TEX11: variants seen among roughly 807,000 people sequenced by gnomAD.
TEX11 encodes the protein testis-expressed protein 11.
A neutral mutation model predicts 84.4 loss-of-function variants in TEX11; 7 were observed. That is an observed-to-expected ratio of 0.08 (90% CI 0.05 to 0.16). TEX11 has a LOEUF of 0.16. TEX11 is among the 10% of genes least tolerant of loss of function. The pLI, the probability that TEX11 is intolerant of heterozygous loss-of-function variation, is 1.00. For missense variants in TEX11, 551 were observed against 660.5 expected (o/e 0.83, Z 1.82); for synonymous variants, 264 against 222.8 (o/e 1.18, Z -1.64).
chrX:70,663,519 T>A (rs1322576076), intron 16 of TEX11, among the ~76,000 whole-genome samples: 1 of 111,555 alleles, frequency 9.0e-6, no homozygotes, highest in African/African-American at 3.3e-5. Flanking sequence ...TCAAATTAGA[T>A]GATTTTTAGT....
At chrX:70,630,483 A>T (rs2089498916) in intron 17 of TEX11, among the ~76,000 whole-genome samples, 1 of 111,103 alleles carries the variant, frequency 9.0e-6, no homozygotes, top group African/African-American at 3.3e-5. Flanking sequence ...GGAATATGAC[A>T]AGTTAAATAT....
chrX:70,639,569 T>C (rs370656354), intron 17 of TEX11, among the ~76,000 whole-genome samples: 1 of 111,732 alleles, frequency 8.9e-6, no homozygotes, highest in Non-Finnish European at 1.9e-5. Context: ...CAGCTGGAGA[T>C]CTGAGAACGG....
chrX:70,867,360 A>G (rs1054494908), intron 4 of TEX11, among the ~76,000 whole-genome samples: 3 of 111,512 alleles, frequency 2.7e-5, no homozygotes, highest in Admixed American at 9.6e-5. Context: ...ACCACTGCTC[A>G]AGGAAATAAG....
At chrX:70,685,676 C>G (rs890594829) in intron 13 of TEX11, among the ~76,000 whole-genome samples, 1 of 112,040 alleles carries the variant, frequency 8.9e-6, no homozygotes, top group Non-Finnish European at 1.9e-5. Flanking sequence ...AAAAGTCAAA[C>G]TAATTTACAT....
chrX:70,630,040 C>T (rs985584209), intron 17 of TEX11, among the ~76,000 whole-genome samples: 3 of 111,567 alleles, frequency 2.7e-5, no homozygotes, highest in East Asian at 2.8e-4. Context: ...GGGCCAGGCG[C>T]GGTGGCTCAC....
chrX:70,817,295 T>C (rs1044854412), intron 8 of TEX11, among the ~76,000 whole-genome samples: 4 of 107,667 alleles, frequency 3.7e-5, no homozygotes, highest in Non-Finnish European at 7.7e-5. Flanking sequence ...ACATATGCTC[T>C]TTCCACTGTG....
At chrX:70,878,450 CG>C (rs760280921) in intron 3 of TEX11, among the ~76,000 whole-genome samples, 1 of 110,290 alleles carries the variant, frequency 9.1e-6, no homozygotes, top group African/African-American at 3.3e-5. Context: ...GGATTACAGG[CG>C]TGAGTCACCG....
chrX:70,827,003 A>T (rs920465434), intron 8 of TEX11, among the ~76,000 whole-genome samples: 5 of 110,473 alleles, frequency 4.5e-5, no homozygotes, highest in African/African-American at 1.6e-4. Context: ...AATGAAAGTG[A>T]CTCCTTCCTT....
At chrX:70,734,109 A>T (rs1371927162) in intron 11 of TEX11, among the ~76,000 whole-genome samples, 1 of 110,360 alleles carries the variant, frequency 9.1e-6, no homozygotes, top group Non-Finnish European at 1.9e-5. Context: ...AACAATGAGA[A>T]CACATGGACA....
At chrX:70,532,346 G>C (rs2087898284) in intron 28 of TEX11, among the ~76,000 whole-genome samples, 1 of 112,182 alleles carries the variant, frequency 8.9e-6, no homozygotes, top group Admixed American at 9.5e-5. Context: ...GAGAAGGAGA[G>C]TGATATGATG....
chrX:70,825,016 A>C (rs2147825081), intron 8 of TEX11, among the ~76,000 whole-genome samples: 1 of 111,973 alleles, frequency 8.9e-6, no homozygotes, highest in Non-Finnish European at 1.9e-5. Flanking sequence ...AAAATGTAAT[A>C]TAGAAAATGT....
At chrX:70,709,664 A>C (rs1016753859) in intron 13 of TEX11, among the ~76,000 whole-genome samples, 5 of 111,462 alleles carry the variant, frequency 4.5e-5, no homozygotes, top group Admixed American at 9.6e-5. Context: ...AACTCATTTA[A>C]TGTGTAGAAT....
chrX:70,571,868 T>C (rs2088603961), intron 25 of TEX11, among the ~76,000 whole-genome samples: 1 of 111,757 alleles, frequency 8.9e-6, no homozygotes, highest in Non-Finnish European at 1.9e-5. Flanking sequence ...GGAAGTCTTG[T>C]GAAAATAAGT....
chrX:70,573,605 C>A (rs1247646829), intron 25 of TEX11, among the ~76,000 whole-genome samples: 2 of 111,428 alleles, frequency 1.8e-5, no homozygotes, highest in Non-Finnish European at 3.8e-5. Context: ...AAAAGTAATG[C>A]ATGACTGATT....
intron 25 of TEX11, among the ~76,000 whole-genome samples, chrX:70,571,208 G>A (rs1238707903): frequency 9.0e-6 from 1 of 111,557 alleles, no homozygotes; most frequent in African/African-American, 3.2e-5. Context: ...TAGTAGAGAC[G>A]GGGCTTCACC....
chrX:70,832,652 G>A (rs987113956), intron 8 of TEX11, among the ~76,000 whole-genome samples: 1 of 111,682 alleles, frequency 9.0e-6, no homozygotes, highest in Non-Finnish European at 1.9e-5. Context: ...TAATCCCTCT[G>A]TGATAGTAAA....
chrX:70,907,910 G>C, intron 1 of TEX11, 100 bp from the exon 2 acceptor site: 1 of 563,136 alleles, frequency 1.8e-6, no homozygotes, highest in Non-Finnish European at 2.8e-6. Flanking sequence ...TATCCAAAGG[G>C]AGAAAAAAAG....
intron 11 of TEX11, among the ~76,000 whole-genome samples, chrX:70,740,435 T>C (rs1164024519): frequency 9.0e-6 from 1 of 111,621 alleles, no homozygotes; most frequent in Non-Finnish European, 1.9e-5. Context: ...AGTCCCCACC[T>C]TTTTTATTTT....
chrX:70,524,362 C>T (rs1412173359), downstream of TEX11, among the ~76,000 whole-genome samples: 2 of 112,076 alleles, frequency 1.8e-5, no homozygotes, highest in Admixed American at 9.5e-5. Flanking sequence ...AGCACTTCAC[C>T]AAGCTCTGTC....
Sources: allele counts gnomAD v4.1 joint callset (sites outside exome capture counted in the v4.1 genomes callset), GRCh38; gene constraint gnomAD v4.1.1; transcripts MANE v1.5; gene names NCBI Gene and HGNC (gene_info 2026-07-23, HGNC 2026-07-21).